CCDC106: variants seen among roughly 807,000 people sequenced by gnomAD.
CCDC106 encodes coiled-coil domain-containing protein 106.
Under a neutral mutation model 24.7 loss-of-function variants are expected in CCDC106, and 17 were observed. That is an observed-to-expected ratio of 0.69 (90% CI 0.47 to 1.03). The LOEUF is 1.03. Among genes scored for constraint, CCDC106 ranks in the 50% least tolerant of loss-of-function variants. CCDC106 has a pLI of 0.00. For synonymous variants in CCDC106, 211 were observed against 161.3 expected, an observed-to-expected ratio of 1.31 and a Z score of -2.34; for missense variants, 337 against 388.9, an observed-to-expected ratio of 0.87 and a Z score of 1.12.
At position 55,651,495 on chromosome 19, in the gene CCDC106, G is replaced by T. The variant is rs1199616839; in HGVS notation, c.526G>T (p.Val176Leu). The T allele has an allele frequency of 6.4e-7, 1 of 1,559,280 alleles. No homozygotes were observed. Among genetic ancestry groups the T allele is most frequent in the South Asian group, 1.2e-5 (1 of 83,630 alleles). Residue 176 changes from valine to leucine, a missense_variant and splice_region_variant, in exon 4 of 5, where the codon GTG becomes TTG. Val to Leu is a conservative substitution (Grantham distance 32, BLOSUM62 1). Around this residue, in one of 2 missense-constraint regions of CCDC106, gnomAD observed 103 missense variants for 152.4 expected, o/e 0.68. Coordinates refer to ENST00000586790, the MANE Select transcript of CCDC106 (RefSeq NM_001370470.1). ...GCCCAAGGCCCGGGAGAGGCAGCGA[G>T]GTGAGTGGGGTGCATGGGGCGGGCG... ...GKPKARERQRVKDADGVLCRY... is the reference protein window; with the variant it reads ...GKPKARERQRLKDADGVLCRY...
chr19:55,647,551 G>A (rs975819752), upstream of CCDC106, among the ~76,000 whole-genome samples: 1 of 152,190 alleles, frequency 6.6e-6, no homozygotes, highest in Non-Finnish European at 1.5e-5. Flanking sequence ...AAATTTAGAA[G>A]GGCTTGTAAT....
chr19:55,648,923 C>G lies in CCDC106; in HGVS notation c.-124C>G. 1 of 967,612 alleles carries G rather than the reference C, an allele frequency of 1.0e-6. No individual in the cohort carries two copies. The highest frequency in any genetic ancestry group is 1.6e-6 in the Non-Finnish European group (1 of 606,090). 59.9% of individuals were successfully genotyped at this position (967,612 alleles called of 1,614,324 possible). ...AGGGGTCCAGGCCAGAAGGTCCCTCCTGTCTCACTTCACCTCCCCCAGGAT... is the reference window on the plus strand; with the variant it reads ...AGGGGTCCAGGCCAGAAGGTCCCTCGTGTCTCACTTCACCTCCCCCAGGAT... On this transcript the variant is annotated 5_prime_UTR_variant, in exon 1 of 5. Coordinates refer to ENST00000586790, the MANE Select transcript of CCDC106 (RefSeq NM_001370470.1).
intron 3 of CCDC106, among the ~76,000 whole-genome samples, chr19:55,650,687 C>T (rs1236285579): frequency 6.6e-6 from 1 of 152,208 alleles, no homozygotes; most frequent in Non-Finnish European, 1.5e-5. Flanking sequence ...ACTGATGGTT[C>T]CATCCTGGGT....
Position 55,653,133 on chromosome 19 carries a change from TA to T in CCDC106, c.*393del, listed in dbSNP as rs1425159530. 6.1e-6 allele frequency: 1 copy of T among 162,618 alleles called. No individual in the cohort carries two copies. The highest frequency in any genetic ancestry group is 1.8e-4 in the East Asian group (1 of 5,578). 10.1% of individuals were successfully genotyped at this position (162,618 alleles called of 1,614,324 possible). On this transcript the variant is annotated 3_prime_UTR_variant, in exon 5 of 5. Transcript: ENST00000586790. Reference sequence around the variant, plus strand: ...AGAGAATTATTCAGATAATTTAAATTAAAAAACGACGTGAAAATTTGGAATA... The same window carrying T: ...AGAGAATTATTCAGATAATTTAAATTAAAAACGACGTGAAAATTTGGAATA...
intron 1 of CCDC106, 22 bp from the exon 2 acceptor site, chr19:55,649,183 A>T: frequency 6.2e-7 from 1 of 1,609,656 alleles, no homozygotes; most frequent in Non-Finnish European, 8.5e-7. Flanking sequence ...CTCTGGGGTA[A>T]CCCGGGGCCT....
chr19:55,652,274 C>G lies in CCDC106; in HGVS notation c.527-156C>G, dbSNP rs1194823396. On this transcript the variant is annotated intron_variant, in intron 4 of 4. Coordinates refer to ENST00000586790, the MANE Select transcript of CCDC106 (RefSeq NM_001370470.1). This position sits in a 1 kb window ranked among gnomAD's most constrained non-coding sequence, Gnocchi z 5.9. ...GCTGCGATTCTTCCCCTCCTCTCTG[C>G]CCCTTCCTTGCCTGTTGTTCTCCGT... is the stretch of plus-strand genomic sequence containing the variant. Among the ~76,000 whole-genome samples, 1 of 151,866 alleles carries G rather than the reference C, an allele frequency of 6.6e-6. No homozygotes were observed. The highest frequency in any genetic ancestry group is 2.4e-5 in the African/African-American group (1 of 41,384).
At position 55,652,864 on chromosome 19, in the gene CCDC106, T is replaced by G; in HGVS notation, c.*118T>G. The G allele has an allele frequency of 1.1e-6, 1 of 927,590 alleles. No homozygotes were observed. Among genetic ancestry groups the G allele is most frequent in the South Asian group, 1.7e-5 (1 of 59,540 alleles). The allele number at this position is 927,590 out of a possible 1,614,324, so 57.5% of individuals were successfully genotyped here. ...CCTCCTCGCTCCCTGGGTTGGGGGC[T>G]CCCTTAGCCGGGCCCCCAAGCGCGA... On this transcript the variant is annotated 3_prime_UTR_variant, in exon 5 of 5. Transcript: ENST00000586790. The surrounding 1 kb of genome is among the most constrained non-coding windows in gnomAD (Gnocchi z 5.9).
chr19:55,648,959 G>C lies in CCDC106; in HGVS notation c.-88G>C, dbSNP rs1983047232. The C allele has an allele frequency of 7.6e-7, 1 of 1,317,072 alleles. No homozygotes were observed. Among genetic ancestry groups the C allele is most frequent in the Non-Finnish European group, 1.1e-6 (1 of 912,996 alleles). The allele number at this position is 1,317,072 out of a possible 1,614,324, so 81.6% of individuals were successfully genotyped here. On this transcript the variant is annotated 5_prime_UTR_variant, in exon 1 of 5. Transcript: ENST00000586790. ...CACCTCCCCCAGGATGGACCCTCCA[G>C]TCCATCTGCGTCTCTCCATTTGTGG...
At position 55,652,526 on chromosome 19, in the gene CCDC106, T is replaced by A. The variant is rs1983385615; in HGVS notation, c.623T>A (p.Val208Glu). Reference sequence around the variant, plus strand: ...TCGCGGGCCTTCGAGCACCACCGCGTGGACAGGAACACCGTGGCGCTGACC... The same window carrying A: ...TCGCGGGCCTTCGAGCACCACCGCGAGGACAGGAACACCGTGGCGCTGACC... ...SMSRAFEHHR[V>E]DRNTVALTTP... Residue 208 changes from valine to glutamate, a missense_variant, in exon 5 of 5, where the codon GTG becomes GAG. Val to Glu is a moderately radical substitution (Grantham distance 121). Transcript: ENST00000586790. The surrounding 1 kb of genome is among the most constrained non-coding windows in gnomAD (Gnocchi z 5.9). 6.2e-7 allele frequency: 1 copy of A among 1,613,450 alleles called. No individual in the cohort carries two copies. The highest frequency in any genetic ancestry group is 8.5e-7 in the Non-Finnish European group (1 of 1,179,906).
At chr19:55,648,031 C>A (rs1982969872), upstream of CCDC106, 1 of 152,228 alleles carries the variant, frequency 6.6e-6, no homozygotes, top group Admixed American at 6.5e-5. Flanking sequence ...CTGCTTCTGC[C>A]GCAAACGGCG....
At position 55,652,545 on chromosome 19, in the gene CCDC106, G is replaced by C; in HGVS notation, c.642G>C (p.Ala214=). The C allele has an allele frequency of 6.2e-7, 1 of 1,613,576 alleles. No homozygotes were observed. The highest frequency in any genetic ancestry group is 8.5e-7 in the Non-Finnish European group (1 of 1,179,966). Residue 214 remains alanine, a synonymous_variant, in exon 5 of 5, where the codon GCG becomes GCC. Transcript: ENST00000586790. The surrounding 1 kb of genome is among the most constrained non-coding windows in gnomAD (Gnocchi z 5.9). ...EHHRVDRNTV[A]LTTPIAELLI... ...ACCGCGTGGACAGGAACACCGTGGC[G>C]CTGACCACGCCCATCGCCGAGCTGC...
intron 3 of CCDC106, among the ~76,000 whole-genome samples, chr19:55,650,735 T>G (rs1267600295): frequency 6.6e-6 from 1 of 152,158 alleles, no homozygotes; most frequent in Non-Finnish European, 1.5e-5. Context: ...GCCCTGCGGC[T>G]TCGGCACTTT....
At chr19:55,647,631 G>C (rs1184952350), upstream of CCDC106, among the ~76,000 whole-genome samples, 1 of 152,196 alleles carries the variant, frequency 6.6e-6, no homozygotes, top group Admixed American at 6.5e-5. Context: ...ATCTAGCTTT[G>C]CTCCAAAGCC....
Position 55,648,646 on chromosome 19 carries a change from G to C in CCDC106, c.-401G>C, listed in dbSNP as rs1453112328. ...CTGCCTCTTCCTTAGGCCTGGCAGTGGCCCGCGATGAGAGAGGGTCCTTCC... is the reference window on the plus strand; with the variant it reads ...CTGCCTCTTCCTTAGGCCTGGCAGTCGCCCGCGATGAGAGAGGGTCCTTCC... On this transcript the variant is annotated 5_prime_UTR_variant, in exon 1 of 5. Transcript: ENST00000586790. 2 of 260,334 alleles carry C rather than the reference G, an allele frequency of 7.7e-6. No individual in the cohort carries two copies. Among genetic ancestry groups the C allele is most frequent in the Non-Finnish European group, 1.5e-5 (2 of 135,074 alleles). The allele number at this position is 260,334 out of a possible 1,614,324, so 16.1% of individuals were successfully genotyped here. A position where few individuals can be genotyped will look rare whatever the true frequency, so the allele number is the denominator to read the frequency against.
chr19:55,648,870 G>C lies in CCDC106; in HGVS notation c.-177G>C. 1.4e-6 allele frequency: 1 copy of C among 702,836 alleles called. No individual in the cohort carries two copies. Among genetic ancestry groups the C allele is most frequent in the Non-Finnish European group, 2.5e-6 (1 of 401,584 alleles). 43.5% of individuals were successfully genotyped at this position (702,836 alleles called of 1,614,324 possible). A position where few individuals can be genotyped will look rare whatever the true frequency, so the allele number is the denominator to read the frequency against. ...CCAGGCGCGTTTTGCCTCAGTCCTG[G>C]GGTCCAGGCTCCCTCCTCCCTCAGA... On this transcript the variant is annotated 5_prime_UTR_variant, in exon 1 of 5. Transcript: ENST00000586790.
At chr19:55,649,688 C>A in intron 3 of CCDC106, 104 bp downstream of exon 3, 3 of 1,089,470 alleles carry the variant, frequency 2.8e-6, no homozygotes, top group Non-Finnish European at 4.0e-6. Context: ...GTGGGACCTG[C>A]CATGTTGGCC....
chr19:55,651,411 G>A lies in CCDC106; in HGVS notation c.442G>A (p.Ala148Thr), dbSNP rs1245205584. 3.1e-6 allele frequency: 5 copies of A among 1,609,204 alleles called. No homozygotes were observed. In the African/African-American group the frequency reaches 5.3e-5, roughly 17 times the overall value. The change falls in exon 4 of 5, where the codon GCC becomes ACC. Residue 148 changes from alanine to threonine, a missense_variant. Transcript: ENST00000586790. ...CAGCGGAGCGTCCGAAGAAGGCAGC[G>A]CCAGTGAGAGGAGGCGGCAGAAGCA... The part of the protein sequence containing the change: ...SLSGASEEGS[A>T]SERRRQKQKG...
intron 3 of CCDC106, among the ~76,000 whole-genome samples, chr19:55,650,846 T>C (rs1600057740): frequency 6.6e-6 from 1 of 152,044 alleles, no homozygotes; most frequent in Admixed American, 6.5e-5. Flanking sequence ...TAGATGGAGG[T>C]GGGACCCAGC....
In CCDC106 at chr19:55,648,892, C is replaced by T; in HGVS notation, c.-155C>T. Reference sequence around the variant, plus strand: ...CTGGGGTCCAGGCTCCCTCCTCCCTCAGACCAGGGGTCCAGGCCAGAAGGT... The same window carrying T: ...CTGGGGTCCAGGCTCCCTCCTCCCTTAGACCAGGGGTCCAGGCCAGAAGGT... On this transcript the variant is annotated 5_prime_UTR_variant, in exon 1 of 5. Transcript: ENST00000586790. 4 of 766,742 alleles carry T rather than the reference C, an allele frequency of 5.2e-6. No homozygotes were observed. The highest frequency in any genetic ancestry group is 4.5e-6 in the Non-Finnish European group (2 of 447,846). 47.5% of individuals were successfully genotyped at this position (766,742 alleles called of 1,614,324 possible).
Sources: allele counts gnomAD v4.1 joint callset (sites outside exome capture counted in the v4.1 genomes callset), GRCh38; gene constraint gnomAD v4.1.1; regional missense constraint gnomAD v4.1.1; non-coding constraint Gnocchi (gnomAD v3.1); transcripts MANE v1.5; gene names NCBI Gene and HGNC (gene_info 2026-07-23, HGNC 2026-07-21).